Variants in SAMD5 observed in about 807,000 individuals in gnomAD.
SAMD5 encodes the protein sterile alpha motif domain containing 5.
SAMD5 carries 13 observed loss-of-function variants against 11.3 expected under a neutral mutation model. The observed-to-expected ratio is 1.15, with a 90% CI of 0.75 to 1.83. SAMD5 has a LOEUF of 1.83. Ranked by LOEUF, SAMD5 falls within the 40% of genes most tolerant of loss-of-function variation. SAMD5 has a pLI of 0.00. For missense variants in SAMD5, 255 were observed against 239.1 expected, an observed-to-expected ratio of 1.07 and a Z score of -0.44; for synonymous variants, 129 against 111.3, an observed-to-expected ratio of 1.16 and a Z score of -1.00.
intron 1 of SAMD5, among the ~76,000 whole-genome samples, chr6:147,670,670 C>T (rs1790782714): frequency 6.6e-6 from 1 of 152,226 alleles, no homozygotes; most frequent in African/African-American, 2.4e-5. Context: ...GACTTTTCTT[C>T]TACAGCTTCC....
chr6:147,810,389 G>A, the SAMD5 span, among the ~76,000 whole-genome samples: 2 of 152,142 alleles, frequency 1.3e-5, no homozygotes, highest in Admixed American at 6.5e-5. Flanking sequence ...GTTCCAACTG[G>A]CCCTCAGGAG....
At chr6:147,515,230 A>G (rs972585542) in intron 1 of SAMD5, among the ~76,000 whole-genome samples, 4 of 137,504 alleles carry the variant, frequency 2.9e-5, no homozygotes, top group Admixed American at 2.5e-4. Context: ...TGATTGGAAC[A>G]CTGTGGAAAA....
chr6:147,654,255 C>A (rs1428652110), intron 1 of SAMD5, among the ~76,000 whole-genome samples: 1 of 152,072 alleles, frequency 6.6e-6, no homozygotes, highest in African/African-American at 2.4e-5. Context: ...TGTGAAAATT[C>A]TTAGAATTTT....
At chr6:147,923,125 C>T in the SAMD5 span, among the ~76,000 whole-genome samples, 4 of 152,100 alleles carry the variant, frequency 2.6e-5, no homozygotes, top group Non-Finnish European at 4.4e-5. Flanking sequence ...CTGTCTCAAA[C>T]GTTTTTTATG....
chr6:147,850,203 A>G, the SAMD5 span, among the ~76,000 whole-genome samples: 1 of 152,204 alleles, frequency 6.6e-6, no homozygotes, highest in African/African-American at 2.4e-5. Context: ...TTGGCTTTGC[A>G]AAGACAACAT....
intron 1 of SAMD5, among the ~76,000 whole-genome samples, chr6:147,684,482 G>A (rs1790981899): frequency 1.3e-5 from 2 of 152,036 alleles, no homozygotes; most frequent in African/African-American, 4.8e-5. Context: ...AGTTGGGCTG[G>A]GTCATAGAGT....
intron 1 of SAMD5, among the ~76,000 whole-genome samples, chr6:147,513,462 A>G (rs1196059336): frequency 6.6e-6 from 1 of 152,110 alleles, no homozygotes; most frequent in Non-Finnish European, 1.5e-5. Flanking sequence ...GACCCAGGAG[A>G]ACAGCGAGTT....
the SAMD5 span, among the ~76,000 whole-genome samples, chr6:147,765,170 A>C: frequency 6.6e-6 from 1 of 152,206 alleles, no homozygotes; most frequent in Non-Finnish European, 1.5e-5. Flanking sequence ...CAAAAAAGCT[A>C]TGACTCCCTA....
intron 1 of SAMD5, among the ~76,000 whole-genome samples, chr6:147,581,802 C>T (rs1789302606): frequency 6.6e-6 from 1 of 152,056 alleles, no homozygotes; most frequent in African/African-American, 2.4e-5. Context: ...AACTATTTGG[C>T]TGTGAAGAGA....
At chr6:147,935,282 C>T in the SAMD5 span, among the ~76,000 whole-genome samples, 1 of 152,218 alleles carries the variant, frequency 6.6e-6, no homozygotes, top group Non-Finnish European at 1.5e-5. Flanking sequence ...GTGGGCACAT[C>T]TTCATAGTGA....
chr6:147,731,073 A>G (rs758126538), intron 1 of SAMD5, among the ~76,000 whole-genome samples: 1 of 152,194 alleles, frequency 6.6e-6, no homozygotes, highest in Non-Finnish European at 1.5e-5. Context: ...CCACCACCTT[A>G]TGAGGGAGAT....
chr6:147,583,981 G>A (rs1366036715), intron 1 of SAMD5, among the ~76,000 whole-genome samples: 1 of 151,870 alleles, frequency 6.6e-6, no homozygotes, highest in Admixed American at 6.6e-5. Flanking sequence ...ATATTGCCAA[G>A]TTTAAGAAAG....
the SAMD5 span, among the ~76,000 whole-genome samples, chr6:147,787,820 T>C: frequency 6.6e-6 from 1 of 152,224 alleles, no homozygotes; most frequent in African/African-American, 2.4e-5. Flanking sequence ...ATTGTATCCT[T>C]TTCCAACACA....
At chr6:147,895,211 A>T in the SAMD5 span, among the ~76,000 whole-genome samples, 5 of 152,282 alleles carry the variant, frequency 3.3e-5, no homozygotes, top group African/African-American at 1.2e-4. Context: ...TGTCATTTAG[A>T]GGTGACAAAG....
chr6:147,734,295 G>A (rs1047553966), intron 1 of SAMD5, among the ~76,000 whole-genome samples: 1 of 152,158 alleles, frequency 6.6e-6, no homozygotes, highest in African/African-American at 2.4e-5. Context: ...TGTAAAGTCT[G>A]TTGTTTTTTC....
At chr6:147,550,900 T>TTG (rs1554232056) in intron 1 of SAMD5, among the ~76,000 whole-genome samples, 1 of 150,398 alleles carries the variant, frequency 6.6e-6, no homozygotes, top group Admixed American at 6.6e-5. Context: ...CCTCTTATAT[T>TTG]TATATATATA....
intron 1 of SAMD5, among the ~76,000 whole-genome samples, chr6:147,729,575 G>A (rs1358182377): frequency 6.6e-6 from 1 of 152,148 alleles, no homozygotes; most frequent in East Asian, 1.9e-4. Flanking sequence ...TATTTTAGGT[G>A]GTAATAGGTG....
the SAMD5 span, among the ~76,000 whole-genome samples, chr6:147,778,582 T>A: frequency 6.6e-6 from 1 of 152,144 alleles, no homozygotes. Context: ...TTCCTTTCTT[T>A]CTACATACAC....
the SAMD5 span, among the ~76,000 whole-genome samples, chr6:147,884,665 A>G: frequency 5.3e-5 from 8 of 152,070 alleles, no homozygotes; most frequent in African/African-American, 1.2e-4. Flanking sequence ...TCTTATGTTT[A>G]TTGTCTTCAT....
Sources: gnomAD v4.1 joint callset for allele counts (sites outside exome capture counted in the v4.1 genomes callset) on GRCh38, gnomAD v4.1.1 for gene constraint, MANE v1.5 for transcripts, NCBI Gene and HGNC (gene_info 2026-07-23, HGNC 2026-07-21) for gene names.